Variants in FMN1 observed in about 807,000 individuals in gnomAD.
FMN1 encodes the protein formin 1.
Under a neutral mutation model 132.4 loss-of-function variants are expected in FMN1, and 110 were observed. The ratio of observed to expected loss-of-function variants is 0.83; its 90% CI spans 0.71 to 0.97. The LOEUF (loss-of-function observed/expected upper bound fraction) is 0.97. FMN1 is among the 50% of genes least tolerant of loss of function. The pLI is 0.00. For missense variants in FMN1, 1,792 were observed against 1,705.3 expected (o/e 1.05, Z -0.90); for synonymous variants, 722 against 651.7 (o/e 1.11, Z -1.64).
intron 4 of FMN1, among the ~76,000 whole-genome samples, chr15:33,131,712 G>A (rs8024139): frequency 0.22 from 33,977 of 152,020 alleles, 5,653 homozygotes; most frequent in African/African-American, 0.47. Context: ...TAGGCCATCA[G>A]GAAACTGATG....
chr15:33,008,360 A>T (rs868565591), intron 6 of FMN1, among the ~76,000 whole-genome samples: 1 of 152,196 alleles, frequency 6.6e-6, no homozygotes, highest in Non-Finnish European at 1.5e-5. Context: ...GATAAACACT[A>T]GGTCAGGAGT....
intron 9 of FMN1, among the ~76,000 whole-genome samples, chr15:32,929,950 T>G (rs1358033164): frequency 6.6e-6 from 1 of 151,670 alleles, no homozygotes; most frequent in African/African-American, 2.4e-5. Flanking sequence ...AGAAGAAAGA[T>G]TAATGGATCA....
At chr15:33,023,066 A>AAG (rs2035492731) in intron 6 of FMN1, among the ~76,000 whole-genome samples, 2 of 75,238 alleles carry the variant, frequency 2.7e-5, no homozygotes, top group African/African-American at 8.9e-5. Flanking sequence ...ACCCAAAAAA[A>AAG]AAAAAAAAAA....
At position 33,153,655 on chromosome 15, in the gene FMN1, G is replaced by A; in HGVS notation, c.1260C>T (p.Val420=). Residue 420 remains valine (V), a synonymous_variant, in exon 4 of 21, where the codon GTC becomes GTT. Coordinates refer to ENST00000616417, the MANE Select transcript of FMN1 (RefSeq NM_001277313.2). ...TCTCACTCTCTATCACCTTCAGGGG[G>A]ACCTTGTTCACGGCCCCCTCGGCAC... ...SASAEGAVNK[V]PLKVIESEKL... is the part of the protein sequence containing the mutation. 6.5e-7 allele frequency: 1 copy of A among 1,536,326 alleles called. No homozygotes were observed. Among genetic ancestry groups the A allele is most frequent in the Non-Finnish European group, 8.7e-7 (1 of 1,146,960 alleles).
chr15:33,131,328 CAAAAA>C (rs10710700), intron 4 of FMN1, among the ~76,000 whole-genome samples: 1 of 80,218 alleles, frequency 1.2e-5, no homozygotes, highest in Non-Finnish European at 2.4e-5. Flanking sequence ...GACTCCATCT[CAAAAA>C]AAAAAAAAAA....
chr15:32,768,713 T>C lies in FMN1; in HGVS notation c.*5597A>G, dbSNP rs571010517. The C allele has an allele frequency of 1.3e-5, 2 of 152,272 alleles. No individual in the cohort carries two copies. Among genetic ancestry groups the C allele is most frequent in the East Asian group, 1.9e-4 (1 of 5,186 alleles). The allele number at this position is 152,272 out of a possible 1,614,324, so 9.4% of individuals were successfully genotyped here. A position where few individuals can be genotyped will look rare whatever the true frequency, so the allele number is the denominator to read the frequency against. On this transcript the variant is annotated 3_prime_UTR_variant, in exon 21 of 21. Coordinates refer to ENST00000616417, the MANE Select transcript of FMN1 (RefSeq NM_001277313.2). ...AAGTTTCACACAAAGCTTGGAAAAATAGCCCACAAGTGTAGTTGGATCAGC... is the reference window on the plus strand; with the variant it reads ...AAGTTTCACACAAAGCTTGGAAAAACAGCCCACAAGTGTAGTTGGATCAGC...
intron 10 of FMN1, among the ~76,000 whole-genome samples, chr15:32,923,481 T>C (rs1030701440): frequency 2.0e-5 from 3 of 152,208 alleles, no homozygotes; most frequent in Admixed American, 2.0e-4. Context: ...GGAATGGAGA[T>C]GATTTTTTAG....
At chr15:32,948,418 T>C (rs768662978) in intron 9 of FMN1, among the ~76,000 whole-genome samples, 1 of 151,986 alleles carries the variant, frequency 6.6e-6, no homozygotes, top group Non-Finnish European at 1.5e-5. Flanking sequence ...GCTATCAAGA[T>C]TATATATACT....
intron 17 of FMN1, among the ~76,000 whole-genome samples, chr15:32,843,624 A>G (rs1014310204): frequency 3.3e-5 from 5 of 152,350 alleles, no homozygotes; most frequent in African/African-American, 1.2e-4. Flanking sequence ...ACAATTACTC[A>G]CGCCACATTT....
chr15:32,966,581 C>T (rs1170303133), intron 8 of FMN1, among the ~76,000 whole-genome samples: 1 of 152,040 alleles, frequency 6.6e-6, no homozygotes, highest in African/African-American at 2.4e-5. Context: ...GTGTCTCTTG[C>T]TTATTCTAGA....
At chr15:33,046,113 T>C (rs2036670542) in intron 6 of FMN1, among the ~76,000 whole-genome samples, 1 of 152,090 alleles carries the variant, frequency 6.6e-6, no homozygotes, top group Non-Finnish European at 1.5e-5. Flanking sequence ...TATAAATATA[T>C]ATTAGTTCTA....
chr15:32,904,786 CTTAT>C (rs2060381433), intron 12 of FMN1, among the ~76,000 whole-genome samples: 1 of 152,198 alleles, frequency 6.6e-6, no homozygotes, highest in Non-Finnish European at 1.5e-5. Flanking sequence ...TAGCTCCTCT[CTTAT>C]TTATCTGCTA....
At chr15:33,058,059 G>A (rs574537245) in intron 6 of FMN1, among the ~76,000 whole-genome samples, 1 of 148,716 alleles carries the variant, frequency 6.7e-6, no homozygotes, top group Non-Finnish European at 1.5e-5. Flanking sequence ...GAAAGGTGTG[G>A]TGGGGCTGGT....
chr15:32,983,294 A>ACG (rs1221698293), intron 7 of FMN1, among the ~76,000 whole-genome samples: 1 of 152,224 alleles, frequency 6.6e-6, no homozygotes, highest in East Asian at 1.9e-4. Context: ...TATGGATATG[A>ACG]CGTTCTGGTA....
At chr15:33,043,982 C>T (rs2036562604) in intron 6 of FMN1, among the ~76,000 whole-genome samples, 1 of 152,250 alleles carries the variant, frequency 6.6e-6, no homozygotes, top group Non-Finnish European at 1.5e-5. Flanking sequence ...CCTACAGGCT[C>T]AAAGGTGCCT....
intron 4 of FMN1, among the ~76,000 whole-genome samples, chr15:33,096,469 C>T (rs978947183): frequency 6.6e-6 from 1 of 152,162 alleles, no homozygotes; most frequent in African/African-American, 2.4e-5. Context: ...ATTCGTAAAT[C>T]GCCACCTTTT....
intron 4 of FMN1, among the ~76,000 whole-genome samples, chr15:33,117,472 C>T (rs148007218): frequency 6.6e-6 from 1 of 152,274 alleles, no homozygotes; most frequent in East Asian, 1.9e-4. Context: ...CTGGCATATG[C>T]TCTTGAACAT....
intron 7 of FMN1, among the ~76,000 whole-genome samples, chr15:32,979,264 A>G (rs1455111241): frequency 3.9e-5 from 6 of 152,192 alleles, no homozygotes; most frequent in African/African-American, 7.2e-5. Context: ...GTGGAAAATA[A>G]GAAACCATTC....
intron 16 of FMN1, among the ~76,000 whole-genome samples, chr15:32,864,061 TA>T (rs1304436687): frequency 4.6e-5 from 7 of 152,254 alleles, no homozygotes; most frequent in African/African-American, 1.7e-4. Flanking sequence ...ATTTGCTTAT[TA>T]AAGCTTGGCA....
Sources: gnomAD v4.1 joint callset for allele counts (sites outside exome capture counted in the v4.1 genomes callset) on GRCh38, gnomAD v4.1.1 for gene constraint, MANE v1.5 for transcripts, NCBI Gene and HGNC (gene_info 2026-07-23, HGNC 2026-07-21) for gene names.